NREP: variants seen among roughly 807,000 people sequenced by gnomAD.
NREP encodes the protein neuronal regeneration-related protein.
A neutral mutation model predicts 8.6 loss-of-function variants in NREP; 5 were observed. The ratio of observed to expected loss-of-function variants is 0.58; its 90% CI spans 0.30 to 1.22. The LOEUF is 1.22. NREP is among the 50% of genes most tolerant of loss of function. NREP has a pLI of 0.07. For synonymous variants in NREP, 27 were observed against 28.0 expected (o/e 0.96, Z 0.11); for missense variants, 86 against 82.5 (o/e 1.04, Z -0.17).
chr5:111,769,686 A>G (rs1581103647), intron 2 of NREP, among the ~76,000 whole-genome samples: 1 of 152,244 alleles, frequency 6.6e-6, no homozygotes, highest in South Asian at 2.1e-4. Context: ...ACTTACAATT[A>G]TAGCAGAAGG....
At chr5:111,757,737 G>C (rs1368401314), upstream of NREP, 1 of 984,484 alleles carries the variant, frequency 1.0e-6, no homozygotes, top group African/African-American at 1.7e-5. Flanking sequence ...CCCGCCCCGG[G>C]AGCACGGCGC....
At chr5:111,806,632 G>A (rs1752147057) in intron 2 of NREP, among the ~76,000 whole-genome samples, 1 of 152,190 alleles carries the variant, frequency 6.6e-6, no homozygotes, top group African/African-American at 2.4e-5. Context: ...GATCAAACAT[G>A]AGAAAGATAT....
intron 2 of NREP, among the ~76,000 whole-genome samples, chr5:111,941,474 A>T (rs990666811): frequency 6.6e-6 from 1 of 152,044 alleles, no homozygotes; most frequent in Non-Finnish European, 1.5e-5. Flanking sequence ...CCACATCTTC[A>T]CATGGTCTTT....
chr5:111,836,502 T>G (rs1752897019), intron 2 of NREP, among the ~76,000 whole-genome samples: 1 of 152,102 alleles, frequency 6.6e-6, no homozygotes, highest in Non-Finnish European at 1.5e-5. Context: ...CAAAAATCTT[T>G]CTTTCAGTTT....
At chr5:111,801,182 G>T (rs1352929752) in intron 2 of NREP, among the ~76,000 whole-genome samples, 1 of 152,182 alleles carries the variant, frequency 6.6e-6, no homozygotes, top group Non-Finnish European at 1.5e-5. Flanking sequence ...GAAAGAGAAA[G>T]AATTTACAAT....
chr5:111,933,981 T>C (rs1449897376), intron 2 of NREP, among the ~76,000 whole-genome samples: 1 of 152,016 alleles, frequency 6.6e-6, no homozygotes, highest in African/African-American at 2.4e-5. Flanking sequence ...AAAGCTTAGT[T>C]TAGGGGAAGA....
intron 2 of NREP, among the ~76,000 whole-genome samples, chr5:111,789,289 G>T (rs1171754687): frequency 6.6e-6 from 1 of 152,052 alleles, no homozygotes; most frequent in Non-Finnish European, 1.5e-5. Flanking sequence ...AGAAAAAGAT[G>T]TTATCAAACA....
At chr5:111,805,430 G>C (rs978751612) in intron 2 of NREP, among the ~76,000 whole-genome samples, 3 of 152,206 alleles carry the variant, frequency 2.0e-5, no homozygotes, top group African/African-American at 7.2e-5. Flanking sequence ...GTATACTGGA[G>C]AGAGATTGGA....
chr5:111,883,448 G>T (rs1230106203), intron 2 of NREP, among the ~76,000 whole-genome samples: 1 of 152,086 alleles, frequency 6.6e-6, no homozygotes, highest in Non-Finnish European at 1.5e-5. Flanking sequence ...CCCAGGAATT[G>T]AACTCAGCTC....
intron 2 of NREP, among the ~76,000 whole-genome samples, chr5:111,810,347 G>C (rs996305345): frequency 1.8e-4 from 28 of 152,350 alleles, no homozygotes; most frequent in African/African-American, 6.3e-4. Context: ...CGGCTCACCA[G>C]TGCCAACTAG....
intron 2 of NREP, among the ~76,000 whole-genome samples, chr5:111,875,390 C>T (rs942198353): frequency 6.6e-6 from 1 of 152,012 alleles, no homozygotes; most frequent in Non-Finnish European, 1.5e-5. Context: ...TTATCTTTTT[C>T]TGGAAAGCTG....
chr5:111,960,874 C>G (rs545143568), intron 2 of NREP, among the ~76,000 whole-genome samples: 2 of 152,166 alleles, frequency 1.3e-5, no homozygotes, highest in African/African-American at 2.4e-5. Flanking sequence ...AGATGAAAAA[C>G]TGATCCTTCA....
At position 111,878,651 on chromosome 5, in the gene NREP, T is replaced by C. The variant is rs149820440; in HGVS notation, c.135+96623A>G. 1.1e-4 allele frequency among the ~76,000 whole-genome samples: 17 copies of C among 152,314 alleles called. No individual in the cohort carries two copies. In the East Asian group the frequency reaches 3.3e-3, roughly 29 times the overall value. On this transcript the variant is annotated intron_variant, in intron 2 of 3. Transcript: ENST00000395634. ...TTTAATGAATTTGTTTGCCGTTGTC[T>C]TAAAGGCCTTAGAAAAGGCACTGTT... is the stretch of plus-strand genomic sequence containing the variant.
intron 2 of NREP, among the ~76,000 whole-genome samples, chr5:111,956,986 A>C (rs1293919167): frequency 6.6e-6 from 1 of 151,402 alleles, no homozygotes; most frequent in Non-Finnish European, 1.5e-5. Flanking sequence ...TAAATAAATA[A>C]ATAAATAAAT....
At chr5:111,848,510 T>C (rs980162204) in intron 2 of NREP, among the ~76,000 whole-genome samples, 2 of 152,122 alleles carry the variant, frequency 1.3e-5, no homozygotes, top group Admixed American at 6.6e-5. Context: ...AAAGTGCTGA[T>C]GAATTTGGTG....
chr5:111,968,416 A>C (rs1417707751), intron 2 of NREP, among the ~76,000 whole-genome samples: 2 of 152,218 alleles, frequency 1.3e-5, no homozygotes, highest in Non-Finnish European at 2.9e-5. Flanking sequence ...TAGTTTGAAT[A>C]AAAGAAAAAT....
At position 111,868,611 on chromosome 5, in the gene NREP, C is replaced by G. The variant is rs6594552; in HGVS notation, c.135+106663G>C. 4.4e-3 allele frequency among the ~76,000 whole-genome samples: 662 copies of G among 152,152 alleles called. 9 individuals carry two copies. The highest frequency in any genetic ancestry group is 0.015 in the African/African-American group (632 of 41,502). On this transcript the variant is annotated intron_variant, in intron 2 of 3. Coordinates refer to the NREP transcript ENST00000395634. ...ACAATGAGGTGAAGATGAGAGACAA[C>G]TGCTGTTTTTAGAAGAGCCATGCAT...
chr5:111,755,840 A>C lies in NREP; in HGVS notation c.-58-10T>G. 6.2e-7 allele frequency: 1 copy of C among 1,613,546 alleles called. No individual in the cohort carries two copies. The highest frequency in any genetic ancestry group is 8.5e-7 in the Non-Finnish European group (1 of 1,179,632). On this transcript the variant is annotated splice_polypyrimidine_tract_variant and intron_variant, in intron 1 of 3. Coordinates refer to ENST00000257435, the MANE Select transcript of NREP (RefSeq NM_004772.4). ...GTCCAGGGAGACCAACCTGCAAAAT[A>C]TGTTTAAATACAGTAGACACATCGC...
chr5:111,932,676 TA>T (rs1400062576), intron 2 of NREP, among the ~76,000 whole-genome samples: 1 of 152,084 alleles, frequency 6.6e-6, no homozygotes, highest in African/African-American at 2.4e-5. Flanking sequence ...TTGGTATAAA[TA>T]AAAAACTTAC....
Sources: gnomAD v4.1 joint callset for allele counts (sites outside exome capture counted in the v4.1 genomes callset) on GRCh38, gnomAD v4.1.1 for gene constraint, MANE v1.5 for transcripts, NCBI Gene and HGNC (gene_info 2026-07-23, HGNC 2026-07-21) for gene names.